Variants in TBX6 observed in about 807,000 individuals in gnomAD.
TBX6 encodes T-box transcription factor 6, also known as T-box transcription factor TBX6.
TBX6 carries 29 observed loss-of-function variants against 42.3 expected under a neutral mutation model. The ratio of observed to expected loss-of-function variants is 0.69; its 90% confidence interval spans 0.51 to 0.93. The LOEUF is 0.93. TBX6 is among the 40% of genes least tolerant of loss of function. The pLI, the probability that TBX6 is intolerant of heterozygous loss-of-function variation, is 0.00. For synonymous variants in TBX6, 249 were observed against 245.1 expected, an observed-to-expected ratio of 1.02 and a Z score of -0.15; for missense variants, 569 against 603.3, an observed-to-expected ratio of 0.94 and a Z score of 0.59.
In TBX6 at chr16:30,088,379, A is replaced by C; in HGVS notation, c.839+166T>G. On this transcript the variant is annotated intron_variant, in intron 6 of 8. Transcript: ENST00000395224. The surrounding 1 kb of genome is among the most constrained non-coding windows in gnomAD (Gnocchi z 4.1). ...TGTTTGTTTTATCTCCAGTGCCTGG[A>C]ACTGTCCCTGGCACATAGCAGGTAC... 2.1e-6 allele frequency: 2 copies of C among 970,488 alleles called. No homozygotes were observed. The highest frequency in any genetic ancestry group is 3.1e-6 in the Non-Finnish European group (2 of 639,262). The allele number at this position is 970,488 out of a possible 1,614,324, so 60.1% of individuals were successfully genotyped here.
At position 30,086,683 on chromosome 16, in the gene TBX6, C is replaced by T; in HGVS notation, c.926G>A (p.Gly309Asp). Residue 309 changes from glycine (G) to aspartate (D), a missense_variant, in exon 8 of 9, where the codon GGT (glycine) becomes GAT (aspartate). By Grantham distance (94) the Gly-to-Asp change is moderately conservative. Around this residue, in one of 3 missense-constraint regions of TBX6, gnomAD observed 245 missense variants for 227.4 expected, o/e 1.08. Coordinates refer to ENST00000395224, the MANE Select transcript of TBX6 (RefSeq NM_004608.4). The surrounding 1 kb of genome is among the most constrained non-coding windows in gnomAD (Gnocchi z 4.6). Reference sequence around the variant, plus strand: ...TCCACCCAGGGTGGAGTCGCAGGGACCACCTGGTGTGTCTGGGGAGAGGGA... The same window carrying T: ...TCCACCCAGGGTGGAGTCGCAGGGATCACCTGGTGTGTCTGGGGAGAGGGA... Reference protein sequence around the residue: ...EAYGSGDTPGGPCDSTLGGDI... With the variant: ...EAYGSGDTPGDPCDSTLGGDI... The T allele has an allele frequency of 6.2e-7, 1 of 1,611,998 alleles. No homozygotes were observed. The highest frequency in any genetic ancestry group is 8.5e-7 in the Non-Finnish European group (1 of 1,179,116).
chr16:30,088,694 T>A lies in TBX6; in HGVS notation c.767A>T (p.Gln256Leu), dbSNP rs986750256. ...ACCCCCTCAAGCAGGGTCACTCACC[T>A]GTGGGTTCTGGTAGGCTGTCACGGA... is the stretch of plus-strand genomic sequence containing the variant. ...FISVTAYQNP[Q>L]ITQLKIAANP... Residue 256 changes from glutamine to leucine, a missense_variant and splice_region_variant, in exon 5 of 9, where the codon CAG (glutamine) becomes CTG (leucine). This residue lies in a region of TBX6 where 190 missense variants were observed against 250.6 expected (regional missense o/e 0.76). Transcript: ENST00000395224. This position sits in a 1 kb window ranked among gnomAD's most constrained non-coding sequence, Gnocchi z 4.1. 1 of 1,613,880 alleles carries A rather than the reference T, an allele frequency of 6.2e-7. No individual in the cohort carries two copies. Among genetic ancestry groups the A allele is most frequent in the Non-Finnish European group, 8.5e-7 (1 of 1,179,994 alleles).
In TBX6 at chr16:30,088,590, T is replaced by G; in HGVS notation, c.794A>C (p.Asn265Thr). 1 of 1,614,176 alleles carries G rather than the reference T, an allele frequency of 6.2e-7. No homozygotes were observed. The highest frequency in any genetic ancestry group is 8.5e-7 in the Non-Finnish European group (1 of 1,180,040). ...CTCCCGGAAGCCTTTGGCAAAGGGA[T>G]TGGCTGCAATCTTCAGTTGTGTGAT... ...PQITQLKIAA[N>T]PFAKGFRENG... The change falls in exon 6 of 9, where the codon AAT (asparagine) becomes ACT (threonine). Residue 265 changes from asparagine (N) to threonine (T), a missense_variant. By Grantham distance (65) the Asn-to-Thr change is moderately conservative. This residue lies in a region of TBX6 where 190 missense variants were observed against 250.6 expected (regional missense o/e 0.76). Transcript: ENST00000395224. The surrounding 1 kb of genome is among the most constrained non-coding windows in gnomAD (Gnocchi z 4.1).
rs1345762438 is a variant in TBX6, at chr16:30,086,533, G to A, written c.1076C>T (p.Ala359Val). The change falls in exon 8 of 9, where the codon GCC becomes GTC. Residue 359 changes from alanine to valine, a missense_variant. This residue lies in a region of TBX6 where 245 missense variants were observed against 227.4 expected (regional missense o/e 1.08). Coordinates refer to ENST00000395224, the MANE Select transcript of TBX6 (RefSeq NM_004608.4). This position sits in a 1 kb window ranked among gnomAD's most constrained non-coding sequence, Gnocchi z 4.6. ...TCACCTGGTGGGAAGGTGACTGGGG[G>A]CCCCATGGAAAGCCGCAGGGTGCAG... is the stretch of plus-strand genomic sequence containing the variant. ...YLLHPAAFHG[A>V]PSHLPTRSPS... 2.6e-6 allele frequency: 4 copies of A among 1,514,600 alleles called. No individual in the cohort carries two copies. Among genetic ancestry groups the A allele is most frequent in the Admixed American group, 5.0e-5 (2 of 39,902 alleles). The allele number at this position is 1,514,600 out of a possible 1,614,324, so 93.8% of individuals were successfully genotyped here.
chr16:30,090,523 C>A (rs1181279316), intron 3 of TBX6, among the ~76,000 whole-genome samples: 1 of 152,134 alleles, frequency 6.6e-6, no homozygotes, highest in Non-Finnish European at 1.5e-5. Flanking sequence ...TGACCCTTGC[C>A]ATAGATTGGT....
At position 30,091,082 on chromosome 16, in the gene TBX6, A is replaced by T. The variant is rs765111413; in HGVS notation, c.112T>A (p.Tyr38Asn). 1 of 1,584,484 alleles carries T rather than the reference A, an allele frequency of 6.3e-7. No individual in the cohort carries two copies. Among genetic ancestry groups the T allele is most frequent in the East Asian group, 2.3e-5 (1 of 43,878 alleles). The change falls in exon 2 of 9, where the codon TAC (tyrosine) becomes AAC (asparagine). Residue 38 changes from tyrosine to asparagine, a missense_variant. Tyr to Asn is a moderately radical substitution (Grantham distance 143). Coordinates refer to ENST00000395224, the MANE Select transcript of TBX6 (RefSeq NM_004608.4). ...AGCTGGTCCCAACGCTCACCGGGGTAGCGGTAGCCCTCCGCTAGGGCGGGT... is the reference window on the plus strand; with the variant it reads ...AGCTGGTCCCAACGCTCACCGGGGTTGCGGTAGCCCTCCGCTAGGGCGGGT... ...FPPALAEGYR[Y>N]PELDTPKLDC...
At position 30,086,741 on chromosome 16, in the gene TBX6, T is replaced by C; in HGVS notation, c.913+37A>G. 6.2e-7 allele frequency: 1 copy of C among 1,613,424 alleles called. No homozygotes were observed. Among genetic ancestry groups the C allele is most frequent in the Non-Finnish European group, 8.5e-7 (1 of 1,179,680 alleles). ...GGTTGGGCTAGGGAGGATCCCTGTC[T>C]CAGGCCTGGCCCCATCGCCATCGGG... On this transcript the variant is annotated intron_variant, in intron 7 of 8. Transcript: ENST00000395224. The surrounding 1 kb of genome is among the most constrained non-coding windows in gnomAD (Gnocchi z 4.6).
At position 30,089,137 on chromosome 16, in the gene TBX6, C is replaced by T; in HGVS notation, c.427G>A (p.Val143Met). 1 of 1,614,136 alleles carries T rather than the reference C, an allele frequency of 6.2e-7. No homozygotes were observed. ...TAGCGAGCCCCATCCACCGGAATCA[C>T]ATCCAGAAGAAACAAGTAGCGGGCC... ...PEARYLFLLD[V>M]IPVDGARYRW... The change falls in exon 4 of 9, where the codon GTG becomes ATG. Residue 143 changes from valine to methionine, a missense_variant. Transcript: ENST00000395224.
In TBX6 at chr16:30,086,575, C is replaced by A; in HGVS notation, c.1034G>T (p.Ser345Ile). ...AAPAPLCGGP[S>I]AEAYLLHPAA... ...AGGGTGCAGGAGGTAGGCCTCAGCA[C>A]TGGGGCCACCACACAGAGGTGCCGG... The change falls in exon 8 of 9, where the codon AGT (serine) becomes ATT (isoleucine). Residue 345 changes from serine to isoleucine, a missense_variant. Around this residue, in one of 3 missense-constraint regions of TBX6, gnomAD observed 245 missense variants for 227.4 expected, o/e 1.08. Coordinates refer to ENST00000395224, the MANE Select transcript of TBX6 (RefSeq NM_004608.4). The surrounding 1 kb of genome is among the most constrained non-coding windows in gnomAD (Gnocchi z 4.6). 1 of 1,552,370 alleles carries A rather than the reference C, an allele frequency of 6.4e-7. No individual in the cohort carries two copies. Among genetic ancestry groups the A allele is most frequent in the Non-Finnish European group, 8.7e-7 (1 of 1,153,960 alleles).
Position 30,091,122 on chromosome 16 carries a change from G to A in TBX6, c.72C>T (p.Ala24=), listed in dbSNP as rs1326920663. 30 of 1,589,560 alleles carry A rather than the reference G, an allele frequency of 1.9e-5. No homozygotes were observed. Among genetic ancestry groups the A allele is most frequent in the Non-Finnish European group, 2.5e-5 (29 of 1,169,554 alleles). ...CTAGGGCGGGTGGGAAGCTGGAGTC[G>A]GCCCCAGGTTGGGCGGGCCCCAGGC... is the stretch of plus-strand genomic sequence containing the variant. The part of the protein sequence containing the change: ...GYRLGPAQPG[A]DSSFPPALAE... The change falls in exon 2 of 9, where the codon GCC becomes GCT. Residue 24 remains alanine (A), a synonymous_variant. Coordinates refer to ENST00000395224, the MANE Select transcript of TBX6 (RefSeq NM_004608.4).
At chr16:30,090,582 C>G (rs894248897) in intron 3 of TBX6, among the ~76,000 whole-genome samples, 176 bp downstream of exon 3, 1 of 152,164 alleles carries the variant, frequency 6.6e-6, no homozygotes, top group Non-Finnish European at 1.5e-5. Context: ...ACCCTTGTCA[C>G]AGAGTGACTC....
intron 6 of TBX6, among the ~76,000 whole-genome samples, chr16:30,087,264 C>T (rs1223154280): frequency 6.6e-6 from 1 of 152,048 alleles, no homozygotes; most frequent in African/African-American, 2.4e-5. Context: ...TGCTATGTTG[C>T]CCAGGCTGGA....
In TBX6 at chr16:30,086,394, G is replaced by A. The variant is rs1254137793; in HGVS notation, c.1142C>T (p.Pro381Leu). The A allele has an allele frequency of 1.3e-6, 2 of 1,559,346 alleles. No homozygotes were observed. The highest frequency in any genetic ancestry group is 1.7e-6 in the Non-Finnish European group (2 of 1,160,762). The change falls in exon 9 of 9, where the codon CCC becomes CTC. Residue 381 changes from proline (P) to leucine (L), a missense_variant. Pro to Leu is a moderately conservative substitution (Grantham distance 98, BLOSUM62 -3). This residue lies in a region of TBX6 where 245 missense variants were observed against 227.4 expected (regional missense o/e 1.08). Transcript: ENST00000395224. The surrounding 1 kb of genome is among the most constrained non-coding windows in gnomAD (Gnocchi z 4.6). ...CAGCTCCAGAAATGCAGCCGAGTAG[G>A]GGGCTGAGCGCCCGGAGTCTGGAGC... ...PEAPDSGRSA[P>L]YSAAFLELPH...
chr16:30,088,409 T>C lies in TBX6; in HGVS notation c.839+136A>G. ...TCCCTGGCACATAGCAGGTACTATA[T>C]AAGTATTTGCTGAGTCAGTGAATGA... On this transcript the variant is annotated intron_variant, in intron 6 of 8. Transcript: ENST00000395224. The surrounding 1 kb of genome is among the most constrained non-coding windows in gnomAD (Gnocchi z 4.1). 3 of 1,210,948 alleles carry C rather than the reference T, an allele frequency of 2.5e-6. No homozygotes were observed. The South Asian group carries it at 3.8e-5, about 15-fold the overall frequency. The allele number at this position is 1,210,948 out of a possible 1,614,324, so 75.0% of individuals were successfully genotyped here. A position where few individuals can be genotyped will look rare whatever the true frequency, so the allele number is the denominator to read the frequency against.
rs1387414645 is a variant in TBX6, at chr16:30,090,820, G to A, written c.291C>T (p.Asn97=). Residue 97 remains asparagine (N), a synonymous_variant, in exon 3 of 9, where the codon AAC becomes AAT. Transcript: ENST00000395224. Reference sequence around the variant, plus strand: ...AGCTGAACTCCTTCCATAGCTCCCGGTTCTCCAGGCTCAGGCTGACCCCCG... The same window carrying A: ...AGCTGAACTCCTTCCATAGCTCCCGATTCTCCAGGCTCAGGCTGACCCCCG... The part of the protein sequence containing the change: ...SLPGVSLSLE[N]RELWKEFSSV... 1 of 1,603,666 alleles carries A rather than the reference G, an allele frequency of 6.2e-7. No individual in the cohort carries two copies.
Position 30,088,447 on chromosome 16 carries a change from AC to A in TBX6, c.839+97del, listed in dbSNP as rs1459348672. 6.6e-7 allele frequency: 1 copy of A among 1,517,016 alleles called. No homozygotes were observed. Among genetic ancestry groups the A allele is most frequent in the East Asian group, 2.3e-5 (1 of 44,376 alleles). The allele number at this position is 1,517,016 out of a possible 1,614,324, so 94.0% of individuals were successfully genotyped here. A position where few individuals can be genotyped will look rare whatever the true frequency, so the allele number is the denominator to read the frequency against. On this transcript the variant is annotated intron_variant, in intron 6 of 8. Coordinates refer to ENST00000395224, the MANE Select transcript of TBX6 (RefSeq NM_004608.4). The surrounding 1 kb of genome is among the most constrained non-coding windows in gnomAD (Gnocchi z 4.1). ...AGTCAGTGAATGAATGTTTTCACTT[AC>A]CACTGCATTTCTGATGTCCAGCACG... is the stretch of plus-strand genomic sequence containing the variant.
intron 6 of TBX6, chr16:30,087,971 T>TCG (rs1555484675): frequency 5.7e-5 from 8 of 140,202 alleles, no homozygotes; most frequent in African/African-American, 2.1e-4. Context: ...GAAGTTTTGC[T>TCG]CGTGTTGCCT....
At chr16:30,089,252 T>C (rs1298513074) in intron 3 of TBX6, 42 bp from the exon 4 acceptor site, 1 of 1,583,506 alleles carries the variant, frequency 6.3e-7, no homozygotes, top group Non-Finnish European at 8.6e-7. Context: ...AGCTACCCAC[T>C]GGCCAGGGGT....
Position 30,089,115 on chromosome 16 carries a change from C to T in TBX6, c.449G>A (p.Arg150His). ...CCAGCGCCGGCCCTGCCAGCGGTAGCGAGCCCCATCCACCGGAATCACATC... is the reference window on the plus strand; with the variant it reads ...CCAGCGCCGGCCCTGCCAGCGGTAGTGAGCCCCATCCACCGGAATCACATC... Reference protein sequence around the residue: ...LLDVIPVDGARYRWQGRRWEP... With the variant: ...LLDVIPVDGAHYRWQGRRWEP... The change falls in exon 4 of 9, where the codon CGC becomes CAC. Residue 150 changes from arginine to histidine, a missense_variant. Arg to His is a conservative substitution (Grantham distance 29, BLOSUM62 0). Coordinates refer to ENST00000395224, the MANE Select transcript of TBX6 (RefSeq NM_004608.4). The T allele has an allele frequency of 6.2e-7, 1 of 1,613,976 alleles. No homozygotes were observed. Among genetic ancestry groups the T allele is most frequent in the Non-Finnish European group, 8.5e-7 (1 of 1,179,998 alleles).
Sources: gnomAD v4.1 joint callset for allele counts (sites outside exome capture counted in the v4.1 genomes callset) on GRCh38, gnomAD v4.1.1 for gene constraint, gnomAD v4.1.1 regional missense constraint, Gnocchi (gnomAD v3.1) non-coding constraint, MANE v1.5 for transcripts, NCBI Gene and HGNC (gene_info 2026-07-23, HGNC 2026-07-21) for gene names.